SNX13: variants seen among roughly 807,000 people sequenced by gnomAD.
The protein encoded by SNX13 is sorting nexin-13.
A neutral mutation model predicts 133.6 loss-of-function variants in SNX13; 45 were observed. The ratio of observed to expected loss-of-function variants is 0.34; its 90% CI spans 0.27 to 0.43. The LOEUF is 0.43. SNX13 is among the 20% of genes least tolerant of loss of function. The pLI, the probability that SNX13 is intolerant of heterozygous loss-of-function variation, is 1.00. For synonymous variants in SNX13, 414 were observed against 373.9 expected (o/e 1.11, Z -1.24); for missense variants, 1,032 against 1,145.1 (o/e 0.90, Z 1.43).
chr7:17,908,335 C>T (rs1798607571), intron 1 of SNX13, among the ~76,000 whole-genome samples: 1 of 152,226 alleles, frequency 6.6e-6, no homozygotes, highest in South Asian at 2.1e-4. Context: ...TGTATTCCAT[C>T]CTCCTTACTG....
chr7:17,830,325 T>G (rs981118355), intron 15 of SNX13: 13 of 984,276 alleles, frequency 1.3e-5, no homozygotes, highest in African/African-American at 1.8e-5. Context: ...TTATTAAATG[T>G]TTTTATTCTC....
intron 13 of SNX13, among the ~76,000 whole-genome samples, chr7:17,838,862 A>G (rs1272804678): frequency 1.3e-5 from 2 of 151,680 alleles, no homozygotes; most frequent in Non-Finnish European, 2.9e-5. Flanking sequence ...CAAATGATTT[A>G]TCTTGGAGAA....
Position 17,886,739 on chromosome 7 carries a change from T to C in SNX13, c.440+3624A>G, listed in dbSNP as rs181308845. The stretch of plus-strand genomic sequence containing the variant: ...ACTACACTATCCTTATCTTCTTTTT[T>C]AGAAATTTGCTCATACTATTCTTAT... On this transcript the variant is annotated intron_variant, in intron 5 of 25. Transcript: ENST00000428135. Among the ~76,000 whole-genome samples, 88 of 152,332 alleles carry C rather than the reference T, an allele frequency of 5.8e-4. No individual in the cohort carries two copies. In the East Asian group the frequency reaches 0.015, roughly 26 times the overall value.
At position 17,794,000 on chromosome 7, in the gene SNX13, C is replaced by A. The variant is rs746913305; in HGVS notation, c.*45G>T. The A allele has an allele frequency of 4.4e-6, 7 of 1,597,140 alleles. No individual in the cohort carries two copies. Among genetic ancestry groups the A allele is most frequent in the Middle Eastern group, 1.7e-4 (1 of 5,960 alleles). On this transcript the variant is annotated 3_prime_UTR_variant, in exon 26 of 26. Transcript: ENST00000428135. Reference sequence around the variant, plus strand: ...TAAGCCCCAGAAGATCTGTCCATACCATTAGTCCTGGACAAAATGAACACC... The same window carrying A: ...TAAGCCCCAGAAGATCTGTCCATACAATTAGTCCTGGACAAAATGAACACC...
intron 1 of SNX13, among the ~76,000 whole-genome samples, chr7:17,907,614 C>G (rs1798534877): frequency 6.6e-6 from 1 of 152,102 alleles, no homozygotes; most frequent in Non-Finnish European, 1.5e-5. Context: ...GAGTAGGCAG[C>G]AACACCCCCC....
At chr7:17,906,815 A>C (rs1236367345) in intron 1 of SNX13, among the ~76,000 whole-genome samples, 2 of 152,140 alleles carry the variant, frequency 1.3e-5, no homozygotes, top group Non-Finnish European at 2.9e-5. Context: ...GTCAGTTCCA[A>C]TTACCTCCTT....
chr7:17,796,847 T>G lies in SNX13; in HGVS notation c.2606A>C (p.Lys869Thr). 6.2e-7 allele frequency: 1 copy of G among 1,609,646 alleles called. No individual in the cohort carries two copies. The highest frequency in any genetic ancestry group is 8.5e-7 in the Non-Finnish European group (1 of 1,176,904). Residue 869 changes from lysine (K) to threonine (T), a missense_variant, in exon 25 of 26, where the codon AAA becomes ACA. Lys to Thr is a moderately conservative substitution (Grantham distance 78, BLOSUM62 -1). Transcript: ENST00000428135. Reference protein sequence around the residue: ...RMRTRVAGKTKLLAIMPDELK... With the variant: ...RMRTRVAGKTTLLAIMPDELK... The stretch of plus-strand genomic sequence containing the variant: ...CTCACCTGGCATAATTGCAAGTAAT[T>G]TCGTTTTTCCTGCTACTCTTGTTCT...
intron 1 of SNX13, 38 bp downstream of exon 1, chr7:17,940,246 C>A (rs1276281907): frequency 6.4e-7 from 1 of 1,554,012 alleles, no homozygotes. Context: ...GCCCCTTCCC[C>A]ATTTCACAGG....
At chr7:17,879,076 G>A (rs1051580249) in intron 5 of SNX13, among the ~76,000 whole-genome samples, 14 of 152,072 alleles carry the variant, frequency 9.2e-5, no homozygotes, top group African/African-American at 3.4e-4. Flanking sequence ...CTCCAGTTAT[G>A]CATTCTGATA....
chr7:17,864,063 T>A (rs2128340341), intron 9 of SNX13, among the ~76,000 whole-genome samples: 1 of 152,310 alleles, frequency 6.6e-6, no homozygotes, highest in East Asian at 1.9e-4. Flanking sequence ...TCAACAAGGA[T>A]GGTACAAATA....
intron 11 of SNX13, among the ~76,000 whole-genome samples, chr7:17,846,374 G>A (rs1000938710): frequency 1.1e-4 from 17 of 152,030 alleles, no homozygotes; most frequent in African/African-American, 4.1e-4. Context: ...GTATCACCAC[G>A]TCTACTTAAC....
intron 1 of SNX13, among the ~76,000 whole-genome samples, chr7:17,930,046 A>G (rs1801214134): frequency 1.6e-5 from 2 of 125,604 alleles, no homozygotes; most frequent in African/African-American, 5.7e-5. Flanking sequence ...ACCACTTGCT[A>G]TTTACATCAG....
At chr7:17,915,880 C>T (rs1342468925) in intron 1 of SNX13, among the ~76,000 whole-genome samples, 1 of 152,164 alleles carries the variant, frequency 6.6e-6, no homozygotes, top group African/African-American at 2.4e-5. Context: ...ACAGAACATA[C>T]TCTAAGACTG....
At chr7:17,830,779 A>C (rs1788401019) in intron 15 of SNX13, 7 of 982,296 alleles carry the variant, frequency 7.1e-6, no homozygotes, top group Non-Finnish European at 8.5e-6. Flanking sequence ...ACACACAAAC[A>C]AATCTATGGT....
At chr7:17,933,191 C>T (rs929536039) in intron 1 of SNX13, among the ~76,000 whole-genome samples, 14 of 152,182 alleles carry the variant, frequency 9.2e-5, no homozygotes, top group African/African-American at 3.4e-4. Context: ...GGAATATGTA[C>T]AGACAAATGA....
chr7:17,913,760 CAAAAA>C (rs71010278), intron 1 of SNX13, among the ~76,000 whole-genome samples: 1 of 54,078 alleles, frequency 1.8e-5, no homozygotes, highest in Non-Finnish European at 3.1e-5. Context: ...TTAACAAAAA[CAAAAA>C]AAAAAAAAAA....
At chr7:17,837,777 TTTAG>T (rs764391612) in intron 13 of SNX13, among the ~76,000 whole-genome samples, 40 of 152,158 alleles carry the variant, frequency 2.6e-4, no homozygotes, top group African/African-American at 7.5e-4. Context: ...ATAAATTACT[TTTAG>T]TAAAGAAATT....
At chr7:17,830,224 T>C (rs1788335747) in intron 15 of SNX13, 177 bp from the exon 16 acceptor site, 11 of 977,736 alleles carry the variant, frequency 1.1e-5, no homozygotes, top group African/African-American at 1.8e-5. Context: ...TAAAGTCCCA[T>C]GGTTTTCTAA....
At chr7:17,828,286 T>C (rs944998071) in intron 16 of SNX13, among the ~76,000 whole-genome samples, 1 of 151,760 alleles carries the variant, frequency 6.6e-6, no homozygotes, top group African/African-American at 2.4e-5. Flanking sequence ...TAAAAGACAA[T>C]TGTGATTTCA....
Sources: allele counts gnomAD v4.1 joint callset (sites outside exome capture counted in the v4.1 genomes callset), GRCh38; gene constraint gnomAD v4.1.1; transcripts MANE v1.5; gene names NCBI Gene and HGNC (gene_info 2026-07-23, HGNC 2026-07-21).